ZNF114: variants seen among roughly 807,000 people sequenced by gnomAD.
ZNF114 encodes zinc finger protein 114.
ZNF114 carries 8 observed loss-of-function variants against 6.8 expected under a neutral mutation model. The ratio of observed to expected loss-of-function variants is 1.18; its 90% CI spans 0.69 to 2.13. The LOEUF is 2.13. ZNF114 is among the 30% of genes most tolerant of loss of function. ZNF114 has a pLI of 0.00. For missense variants in ZNF114, 472 were observed against 519.5 expected (o/e 0.91, Z 0.89); for synonymous variants, 169 against 185.5 (o/e 0.91, Z 0.72).
At chr19:48,270,384 C>G (rs1296120731) in intron 1 of ZNF114, among the ~76,000 whole-genome samples, 165 bp downstream of exon 1, 1 of 114,086 alleles carries the variant, frequency 8.8e-6, no homozygotes, top group Admixed American at 1.0e-4. Context: ...AGAGCAAGAA[C>G]TTGTCTCAGA....
At position 48,286,236 on chromosome 19, in the gene ZNF114, G is replaced by T; in HGVS notation, c.612G>T (p.Gln204His). Residue 204 changes from glutamine to histidine, a missense_variant, in exon 6 of 6, where the codon CAG (glutamine) becomes CAT (histidine). By Grantham distance (24) the Gln-to-His change is conservative. Transcript: ENST00000595607. ...AATCAAGCACATGGACTGGCAGTCA[G>T]AACACTGTGCATCATATACGTGATG... ...ELKSSTWTGS[Q>H]NTVHHIRDEI... The T allele has an allele frequency of 1.2e-6, 2 of 1,614,184 alleles. No individual in the cohort carries two copies. Among genetic ancestry groups the T allele is most frequent in the Non-Finnish European group, 1.7e-6 (2 of 1,180,038 alleles).
intron 3 of ZNF114, among the ~76,000 whole-genome samples, chr19:48,275,720 C>T (rs983595531): frequency 6.6e-6 from 1 of 151,900 alleles, no homozygotes; most frequent in African/African-American, 2.4e-5. Context: ...TGTTGCCGGG[C>T]GCGGTGGCTC....
chr19:48,272,792 C>CTTTTTTT (rs1170280344), intron 3 of ZNF114, among the ~76,000 whole-genome samples: 3 of 83,768 alleles, frequency 3.6e-5, no homozygotes, highest in Non-Finnish European at 6.4e-5. Context: ...CGAGAAAGAG[C>CTTTTTTT]TTTTTTTTTT....
rs746015951 is a variant in ZNF114 at position 48,282,404 on chromosome 19, T to C, written c.43T>C (p.Phe15Leu). The change falls in exon 5 of 6, where the codon TTC (phenylalanine) becomes CTC (leucine). Residue 15 changes from phenylalanine to leucine, a missense_variant. Transcript: ENST00000595607. The part of the protein sequence containing the change: ...SVTFADVAVN[F>L]TKEEWTLLDP... ...GACCTTCGCAGACGTGGCTGTGAAC[T>C]TCACCAAAGAGGAGTGGACCCTGCT... is the stretch of plus-strand genomic sequence containing the variant. The C allele has an allele frequency of 6.2e-7, 1 of 1,613,558 alleles. No homozygotes were observed. The highest frequency in any genetic ancestry group is 1.7e-5 in the Admixed American group (1 of 59,956).
At position 48,286,938 on chromosome 19, in the gene ZNF114, TA is replaced by T; in HGVS notation, c.*61del. ...CTGTACCAAACATGTGAGGAGGACATATTGGAAGGGAGCTCAAGGGGTTAGC... is the reference window on the plus strand; with the variant it reads ...CTGTACCAAACATGTGAGGAGGACATTTGGAAGGGAGCTCAAGGGGTTAGC... On this transcript the variant is annotated 3_prime_UTR_variant, in exon 6 of 6. Coordinates refer to ENST00000595607, the MANE Select transcript of ZNF114 (RefSeq NM_153608.4). 1 of 1,503,628 alleles carries T rather than the reference TA, an allele frequency of 6.7e-7. No individual in the cohort carries two copies. The highest frequency in any genetic ancestry group is 8.9e-7 in the Non-Finnish European group (1 of 1,128,400). The allele number at this position is 1,503,628 out of a possible 1,614,324, so 93.1% of individuals were successfully genotyped here.
Position 48,286,989 on chromosome 19 carries a change from C to A in ZNF114, c.*111C>A. ...CATGAGTGAGAACATCTTCCCTGAA[C>A]TCTCGTATCTTACAGAAATGTGAAA... On this transcript the variant is annotated 3_prime_UTR_variant, in exon 6 of 6. Transcript: ENST00000595607. The A allele has an allele frequency of 1.7e-6, 2 of 1,146,266 alleles. No homozygotes were observed. The highest frequency in any genetic ancestry group is 2.4e-6 in the Non-Finnish European group (2 of 844,922). The allele number at this position is 1,146,266 out of a possible 1,614,324, so 71.0% of individuals were successfully genotyped here.
At chr19:48,276,753 G>A (rs1967845754) in intron 3 of ZNF114, among the ~76,000 whole-genome samples, 1 of 151,986 alleles carries the variant, frequency 6.6e-6, no homozygotes, top group Admixed American at 6.6e-5. Flanking sequence ...CAAAATCCTG[G>A]GCTCAAGTGA....
chr19:48,276,831 G>A (rs900206399), intron 3 of ZNF114, among the ~76,000 whole-genome samples: 1 of 152,192 alleles, frequency 6.6e-6, no homozygotes, highest in South Asian at 2.1e-4. Context: ...GCCCAAAATG[G>A]TGATTTTTAA....
In ZNF114 at chr19:48,271,478, T is replaced by G. The variant is rs1161632546; in HGVS notation, c.-172+29T>G. On this transcript the variant is annotated intron_variant, in intron 2 of 5. Transcript: ENST00000595607. ...AGTTCTACAGGAAATGTCAATCTAC[T>G]GGTCGTGGGGGTCAGACTCTGGGGT... 5.2e-5 allele frequency: 6 copies of G among 115,556 alleles called. No homozygotes were observed. In the East Asian group the frequency reaches 1.7e-3, roughly 33 times the overall value. The allele number at this position is 115,556 out of a possible 1,614,324, so 7.2% of individuals were successfully genotyped here. A position where few individuals can be genotyped will look rare whatever the true frequency, so the allele number is the denominator to read the frequency against.
intron 1 of ZNF114, among the ~76,000 whole-genome samples, chr19:48,270,617 G>C (rs8101570): frequency 0.69 from 98,171 of 142,186 alleles, 34,052 homozygotes; most frequent in East Asian, 0.74. Flanking sequence ...AGGGAGGAAG[G>C]GAGGGAGGGA....
chr19:48,280,115 G>A (rs1224382216), intron 4 of ZNF114, among the ~76,000 whole-genome samples: 1 of 152,194 alleles, frequency 6.6e-6, no homozygotes, highest in Non-Finnish European at 1.5e-5. Flanking sequence ...GGGTGCAGTG[G>A]CTCAAGCCTG....
rs749979610 is a variant in ZNF114 at position 48,282,372 on chromosome 19, A to C, written c.11A>C (p.Asp4Ala). Residue 4 changes from aspartate (D) to alanine (A), a missense_variant and splice_region_variant, in exon 5 of 6, where the codon GAC becomes GCC. Coordinates refer to ENST00000595607, the MANE Select transcript of ZNF114 (RefSeq NM_153608.4). MSQ[D>A]SVTFADVAVN... ...GCCAAACTGCATGTGTTATTTTAGG[A>C]CTCGGTGACCTTCGCAGACGTGGCT... 1 of 1,612,290 alleles carries C rather than the reference A, an allele frequency of 6.2e-7. No homozygotes were observed. Among genetic ancestry groups the C allele is most frequent in the Admixed American group, 1.7e-5 (1 of 59,828 alleles).
At chr19:48,285,533 GA>G (rs1968092192) in intron 5 of ZNF114, among the ~76,000 whole-genome samples, 1 of 132,444 alleles carries the variant, frequency 7.6e-6, no homozygotes, top group Admixed American at 8.1e-5. Context: ...ACGAGAGAGA[GA>G]GAGAGGAAAG....
Position 48,286,408 on chromosome 19 carries a change from A to C in ZNF114, c.784A>C (p.Ile262Leu). The change falls in exon 6 of 6, where the codon ATT (isoleucine) becomes CTT (leucine). Residue 262 changes from isoleucine to leucine, a missense_variant. Transcript: ENST00000595607. The part of the protein sequence containing the change: ...QCENTSRNNS[I>L]HAMQMQLYTA... Reference sequence around the variant, plus strand: ...CGAGAACACCTCCAGAAATAACTCAATTCACGCCATGCAGATGCAGTTGTA... The same window carrying C: ...CGAGAACACCTCCAGAAATAACTCACTTCACGCCATGCAGATGCAGTTGTA... 1.1e-5 allele frequency: 18 copies of C among 1,614,186 alleles called. No individual in the cohort carries two copies. Among genetic ancestry groups the C allele is most frequent in the Non-Finnish European group, 1.5e-5 (18 of 1,180,038 alleles).
At chr19:48,274,642 G>A (rs1437947483) in intron 3 of ZNF114, among the ~76,000 whole-genome samples, 1 of 151,742 alleles carries the variant, frequency 6.6e-6, no homozygotes, top group Non-Finnish European at 1.5e-5. Context: ...TAGTAGCTGG[G>A]ATTACAGGCA....
rs1179087591 is a variant in ZNF114, at chr19:48,285,250, CACTTTGGG to C, written c.137-509_137-502del. Among the ~76,000 whole-genome samples the C allele has an allele frequency of 9.8e-5, 15 of 152,322 alleles. No homozygotes were observed. In the East Asian group the frequency reaches 2.7e-3, roughly 27 times the overall value. ...CGTTGGCTCATGCCTGTAATCCCAG[CACTTTGGG>C]AGGCTGAGGCAGGTGGATCACATGA... is the stretch of plus-strand genomic sequence containing the variant. On this transcript the variant is annotated intron_variant, in intron 5 of 5. Coordinates refer to ENST00000595607, the MANE Select transcript of ZNF114 (RefSeq NM_153608.4).
At position 48,271,373 on chromosome 19, in the gene ZNF114, G is replaced by A. The variant is rs1184358055; in HGVS notation, c.-248G>A. On this transcript the variant is annotated 5_prime_UTR_variant, in exon 2 of 6. It removes the in-frame stop codon of an upstream open reading frame in the 5' UTR. Coordinates refer to ENST00000595607, the MANE Select transcript of ZNF114 (RefSeq NM_153608.4). Reference sequence around the variant, plus strand: ...GCGCGCTTCCCAGCTGGAGAGCCTAGGAACGGTGGCGCGGGCGGAGGCGAC... The same window carrying A: ...GCGCGCTTCCCAGCTGGAGAGCCTAAGAACGGTGGCGCGGGCGGAGGCGAC... The A allele has an allele frequency of 6.6e-6, 1 of 152,378 alleles. No homozygotes were observed. Among genetic ancestry groups the A allele is most frequent in the Non-Finnish European group, 1.5e-5 (1 of 68,174 alleles). The allele number at this position is 152,378 out of a possible 1,614,324, so 9.4% of individuals were successfully genotyped here.
chr19:48,279,497 T>G (rs528539124), intron 3 of ZNF114, among the ~76,000 whole-genome samples: 37 of 64,266 alleles, frequency 5.8e-4, no homozygotes, highest in South Asian at 3.1e-3. Flanking sequence ...AGTGTGTGTG[T>G]GGGTGGGGGG....
chr19:48,278,823 A>G (rs1367308026), intron 3 of ZNF114, among the ~76,000 whole-genome samples: 1 of 152,176 alleles, frequency 6.6e-6, no homozygotes, highest in African/African-American at 2.4e-5. Context: ...GGCACCTGTA[A>G]TGGCATCTAA....
Sources: gnomAD v4.1 joint callset for allele counts (sites outside exome capture counted in the v4.1 genomes callset) on GRCh38, gnomAD v4.1.1 for gene constraint, MANE v1.5 for transcripts, NCBI Gene and HGNC (gene_info 2026-07-23, HGNC 2026-07-21) for gene names.